Variants in KIAA1217 observed in about 807,000 individuals in gnomAD.
KIAA1217 encodes KIAA1217, also known as sickle tail protein homolog.
In KIAA1217, 88 loss-of-function variants were observed where a neutral mutation model predicts 163.9. That is an observed-to-expected ratio of 0.54 (90% confidence interval 0.45 to 0.64). The LOEUF (loss-of-function observed/expected upper bound fraction) is 0.64. KIAA1217 is among the 30% of genes least tolerant of loss of function. The pLI is 0.00. For missense variants in KIAA1217, 2,372 were observed against 2,475.0 expected (o/e 0.96, Z 0.88); for synonymous variants, 903 against 923.1 (o/e 0.98, Z 0.39).
chr10:24,439,328 A>G (rs1014830397), intron 5 of KIAA1217, among the ~76,000 whole-genome samples: 1 of 152,172 alleles, frequency 6.6e-6, no homozygotes, highest in Non-Finnish European at 1.5e-5. Context: ...CATCTTTTCT[A>G]CAGATTAGCA....
At chr10:24,153,053 T>C (rs1272058623) in intron 2 of KIAA1217, among the ~76,000 whole-genome samples, 1 of 152,230 alleles carries the variant, frequency 6.6e-6, no homozygotes, top group Non-Finnish European at 1.5e-5. Context: ...TCTCCAGCTT[T>C]AGATCCTACT....
At position 24,064,352 on chromosome 10, in the gene KIAA1217, G is replaced by C. The variant is rs151204796; in HGVS notation, c.-171+56978G>C. Among the ~76,000 whole-genome samples, 732 of 152,170 alleles carry C rather than the reference G, an allele frequency of 4.8e-3. 5 individuals are homozygous for C. Among genetic ancestry groups the C allele is most frequent in the African/African-American group, 0.017 (707 of 41,486 alleles). ...ATTTATTGAGAGTTTTGGGCATGAG[G>C]GTTGTTGAATTTTTTCAAAGGCCTC... On this transcript the variant is annotated intron_variant, in intron 2 of 18. Coordinates refer to the KIAA1217 transcript ENST00000376462.
intron 1 of KIAA1217, among the ~76,000 whole-genome samples, chr10:23,863,343 A>G (rs1840041604): frequency 6.6e-6 from 1 of 152,178 alleles, no homozygotes; most frequent in Non-Finnish European, 1.5e-5. Context: ...CTCCTCCAAA[A>G]TTCAGTGTTT....
At chr10:24,476,862 GACACAC>G (rs573220564) in intron 6 of KIAA1217, among the ~76,000 whole-genome samples, 5 of 151,078 alleles carry the variant, frequency 3.3e-5, no homozygotes, top group Admixed American at 6.6e-5. Context: ...CAAAGACACA[GACACAC>G]ACAGACACAC....
At chr10:24,356,955 T>G (rs1169607284) in intron 2 of KIAA1217, among the ~76,000 whole-genome samples, 1 of 152,236 alleles carries the variant, frequency 6.6e-6, no homozygotes, top group Non-Finnish European at 1.5e-5. Context: ...AGTCTTCATT[T>G]TAATGCATAA....
intron 1 of KIAA1217, among the ~76,000 whole-genome samples, chr10:23,961,195 C>A (rs1844805346): frequency 6.6e-6 from 1 of 152,190 alleles, no homozygotes; most frequent in South Asian, 2.1e-4. Context: ...TGCCTTTCCT[C>A]CAGCTGTAAC....
At chr10:23,993,441 A>G (rs914240273) in intron 1 of KIAA1217, among the ~76,000 whole-genome samples, 1 of 151,562 alleles carries the variant, frequency 6.6e-6, no homozygotes, top group Non-Finnish European at 1.5e-5. Context: ...TAGTCCCCTC[A>G]TCCTAATCAG....
intron 3 of KIAA1217, among the ~76,000 whole-genome samples, chr10:24,403,441 C>G (rs1408804410): frequency 6.6e-6 from 1 of 151,920 alleles, no homozygotes; most frequent in Non-Finnish European, 1.5e-5. Context: ...GTTTCACCAT[C>G]TTGGCCAGGC....
chr10:24,434,998 C>T (rs996467709), intron 4 of KIAA1217, among the ~76,000 whole-genome samples: 33 of 152,158 alleles, frequency 2.2e-4, no homozygotes, highest in Non-Finnish European at 2.9e-5. Flanking sequence ...TTTCTGAGTC[C>T]ACACCCTGGG....
chr10:24,273,240 C>G (rs1273111998), intron 2 of KIAA1217, among the ~76,000 whole-genome samples: 1 of 152,254 alleles, frequency 6.6e-6, no homozygotes, highest in Non-Finnish European at 1.5e-5. Flanking sequence ...ATCAAGAGAT[C>G]AGACTCTTAT....
At chr10:24,403,393 C>T (rs983802578) in intron 3 of KIAA1217, among the ~76,000 whole-genome samples, 3 of 152,158 alleles carry the variant, frequency 2.0e-5, no homozygotes, top group African/African-American at 7.2e-5. Context: ...CATGTGCCAC[C>T]ACACCTTGCT....
At chr10:24,123,227 T>A (rs1384598363) in intron 2 of KIAA1217, among the ~76,000 whole-genome samples, 1 of 152,070 alleles carries the variant, frequency 6.6e-6, no homozygotes, top group African/African-American at 2.4e-5. Flanking sequence ...CTGTTTATTT[T>A]AAAATTTTAA....
chr10:24,483,064 A>C (rs977667952), intron 6 of KIAA1217: 1 of 152,006 alleles, frequency 6.6e-6, no homozygotes, highest in Non-Finnish European at 1.5e-5. Flanking sequence ...TGCAGGGCCA[A>C]CTTGTATCAC....
chr10:23,915,639 C>T (rs1478753959), intron 1 of KIAA1217, among the ~76,000 whole-genome samples: 1 of 152,132 alleles, frequency 6.6e-6, no homozygotes, highest in Admixed American at 6.5e-5. Flanking sequence ...ATTTCTGCAA[C>T]TTTTCTGGAA....
chr10:23,729,395 A>C (rs539387055), intron 1 of KIAA1217, among the ~76,000 whole-genome samples: 1 of 152,262 alleles, frequency 6.6e-6, no homozygotes, highest in South Asian at 2.1e-4. Context: ...AAATGACTAC[A>C]CCATTTTGCA....
intron 3 of KIAA1217, among the ~76,000 whole-genome samples, chr10:24,397,672 G>A (rs1312068747): frequency 6.6e-6 from 1 of 152,158 alleles, no homozygotes; most frequent in Non-Finnish European, 1.5e-5. Flanking sequence ...TTTGAAAAGG[G>A]GGAAGGTCTC....
At chr10:23,925,306 T>A (rs184441036) in intron 1 of KIAA1217, among the ~76,000 whole-genome samples, 1 of 152,120 alleles carries the variant, frequency 6.6e-6, no homozygotes, top group South Asian at 2.1e-4. Context: ...TCAACAAATA[T>A]TTACTAAGCC....
At chr10:23,784,846 CT>C (rs573236344) in intron 1 of KIAA1217, among the ~76,000 whole-genome samples, 75 of 152,154 alleles carry the variant, frequency 4.9e-4, no homozygotes, top group African/African-American at 1.7e-3. Flanking sequence ...TCTGTGACCA[CT>C]TTTAAAACCC....
intron 1 of KIAA1217, among the ~76,000 whole-genome samples, chr10:23,740,695 G>C (rs1443633514): frequency 2.0e-5 from 3 of 151,954 alleles, no homozygotes; most frequent in African/African-American, 7.3e-5. Flanking sequence ...TTCCACCCAG[G>C]TCTGTCTCAG....
Sources: allele counts gnomAD v4.1 joint callset (sites outside exome capture counted in the v4.1 genomes callset), GRCh38; gene constraint gnomAD v4.1.1; transcripts MANE v1.5; gene names NCBI Gene and HGNC (gene_info 2026-07-23, HGNC 2026-07-21).